Variants in CUL9 observed in about 807,000 individuals in gnomAD.
CUL9 encodes the protein cullin-9.
A neutral mutation model predicts 272.6 loss-of-function variants in CUL9; 79 were observed. That is an observed-to-expected ratio of 0.29 (90% CI 0.24 to 0.35). The LOEUF is 0.35. Ranked by LOEUF, CUL9 falls within the 10% of genes least tolerant of loss-of-function variation. The pLI is 1.00. For synonymous variants in CUL9, 1,186 were observed against 1,286.5 expected (o/e 0.92, Z 1.67); for missense variants, 2,532 against 3,255.6 (o/e 0.78, Z 5.41).
chr6:43,185,818 T>A (rs1772855579), intron 3 of CUL9, 137 bp from the exon 4 acceptor site: 1 of 1,275,866 alleles, frequency 7.8e-7, no homozygotes, highest in Non-Finnish European at 1.1e-6. Context: ...TATGCCTTTC[T>A]TACACAAATC....
rs1773678563 is a variant in CUL9 at position 43,193,109 on chromosome 6, G to A, written c.2289G>A (p.Glu763=). 6.2e-7 allele frequency: 1 copy of A among 1,614,214 alleles called. No homozygotes were observed. The highest frequency in any genetic ancestry group is 8.5e-7 in the Non-Finnish European group (1 of 1,180,044). ...TTTACCTGCTCATGACCAAGCACGA[G>A]TGGCGGCCGCTCTTTGCCAGGGAGG... ...RLLYLLMTKH[E]WRPLFAREGG... The change falls in exon 9 of 41, where the codon GAG becomes GAA. Residue 763 remains glutamate (E), a synonymous_variant. Transcript: ENST00000252050.
chr6:43,217,616 C>T (rs111851385), intron 31 of CUL9, among the ~76,000 whole-genome samples: 6,706 of 152,236 alleles, frequency 0.044, 198 homozygotes, highest in Admixed American at 0.083. Flanking sequence ...GGGTGATAGA[C>T]GTGTCTGCAT....
chr6:43,222,257 A>G, intron 35 of CUL9, 59 bp from the exon 36 acceptor site: 3 of 1,419,452 alleles, frequency 2.1e-6, no homozygotes, highest in Middle Eastern at 3.5e-4. Flanking sequence ...TTTTCCACTT[A>G]TTAACTCCCT....
rs746215834 is a variant in CUL9, at chr6:43,196,090, G to T, written c.2410G>T (p.Ala804Ser). 6.2e-7 allele frequency: 1 copy of T among 1,613,114 alleles called. No homozygotes were observed. Among genetic ancestry groups the T allele is most frequent in the Non-Finnish European group, 8.5e-7 (1 of 1,179,306 alleles). ...GLAALKMLAV[A>S]SSSEIPTFVT... Reference sequence around the variant, plus strand: ...ACAGGCACTGAAGATGCTGGCCGTCGCCAGCTCCTCGGAGATCCCCACTTT... The same window carrying T: ...ACAGGCACTGAAGATGCTGGCCGTCTCCAGCTCCTCGGAGATCCCCACTTT... Residue 804 changes from alanine to serine, a missense_variant, in exon 10 of 41, where the codon GCC becomes TCC. By Grantham distance (99) the Ala-to-Ser change is moderately conservative. Coordinates refer to ENST00000252050, the MANE Select transcript of CUL9 (RefSeq NM_015089.4).
chr6:43,213,657 T>C lies in CUL9; in HGVS notation c.5489-56T>C. 1.9e-6 allele frequency: 3 copies of C among 1,603,940 alleles called. No homozygotes were observed. Among genetic ancestry groups the C allele is most frequent in the Non-Finnish European group, 2.6e-6 (3 of 1,173,472 alleles). ...GACTGTGAGAATGGGGTCATCTTAGTCCCCATTCATCTGTCCCTCTGCCTC... is the reference window on the plus strand; with the variant it reads ...GACTGTGAGAATGGGGTCATCTTAGCCCCCATTCATCTGTCCCTCTGCCTC... On this transcript the variant is annotated intron_variant, in intron 28 of 40. Coordinates refer to ENST00000252050, the MANE Select transcript of CUL9 (RefSeq NM_015089.4). The surrounding 1 kb of genome is among the most constrained non-coding windows in gnomAD (Gnocchi z 5.7).
intron 31 of CUL9, among the ~76,000 whole-genome samples, chr6:43,219,786 A>G (rs1776195939): frequency 6.6e-6 from 1 of 152,114 alleles, no homozygotes; most frequent in African/African-American, 2.4e-5. Context: ...GTAGGGAGAG[A>G]CCGGGAGAGG....
intron 35 of CUL9, chr6:43,222,107 G>A: frequency 1.6e-6 from 1 of 608,292 alleles, no homozygotes; most frequent in Non-Finnish European, 2.9e-6. Context: ...TTAGCATGTG[G>A]CTTTGAGCAA....
intron 10 of CUL9, 77 bp downstream of exon 10, chr6:43,196,342 A>G (rs981930875): frequency 7.9e-6 from 11 of 1,386,090 alleles, no homozygotes; most frequent in Non-Finnish European, 9.8e-6. Context: ...AGGCTCATGT[A>G]CTCCACAGAA....
In CUL9 at chr6:43,186,992, G is replaced by T; in HGVS notation, c.1284G>T (p.Trp428Cys). ...GGCAGTCGACAGGCCGCACTTACTG[G>T]GTGCACTGGCACATGCTGGAGATCC... ...VFWQSTGRTY[W>C]VHWHMLEILG... Residue 428 changes from tryptophan to cysteine, a missense_variant, in exon 5 of 41, where the codon TGG (tryptophan) becomes TGT (cysteine). Trp to Cys is a radical substitution (Grantham distance 215). Around this residue, in one of 3 missense-constraint regions of CUL9, gnomAD observed 2,218 missense variants for 2,788.6 expected, o/e 0.80. Coordinates refer to ENST00000252050, the MANE Select transcript of CUL9 (RefSeq NM_015089.4). 1 of 1,614,038 alleles carries T rather than the reference G, an allele frequency of 6.2e-7. No individual in the cohort carries two copies. The highest frequency in any genetic ancestry group is 1.1e-5 in the South Asian group (1 of 91,088).
Position 43,224,155 on chromosome 6 carries a change from A to G in CUL9, c.7345A>G (p.Met2449Val), listed in dbSNP as rs1776617760. 6.2e-7 allele frequency: 1 copy of G among 1,614,240 alleles called. No individual in the cohort carries two copies. Among genetic ancestry groups the G allele is most frequent in the Non-Finnish European group, 8.5e-7 (1 of 1,180,032 alleles). ...VEAWEAKGPN[M>V]PGSQPQASSG... is the part of the protein sequence containing the mutation. ...GGCCTGGGAGGCAAAAGGACCCAACATGCCTGGCAGTCAGTAAGTGGGGTG... is the reference window on the plus strand; with the variant it reads ...GGCCTGGGAGGCAAAAGGACCCAACGTGCCTGGCAGTCAGTAAGTGGGGTG... The change falls in exon 40 of 41, where the codon ATG (methionine) becomes GTG (valine). Residue 2449 changes from methionine (M) to valine (V), a missense_variant. This residue lies in a region of CUL9 where 237 missense variants were observed against 305.9 expected (regional missense o/e 0.77). Coordinates refer to ENST00000252050, the MANE Select transcript of CUL9 (RefSeq NM_015089.4). The surrounding 1 kb of genome is among the most constrained non-coding windows in gnomAD (Gnocchi z 4.2).
Position 43,188,540 on chromosome 6 carries a change from C to T in CUL9, c.2005C>T (p.Arg669Trp), listed in dbSNP as rs748072017. 60 of 1,609,106 alleles carry T rather than the reference C, an allele frequency of 3.7e-5. 1 individual carries two copies. The highest frequency in any genetic ancestry group is 3.3e-4 in the Middle Eastern group (2 of 6,042). ...AATTTCAGAAATGGCCAGAGCCTTG[C>T]GGGGTCCCGGTCCTCGCAGCTCCCT... ...EAASEMARAL[R>W]GPGPRSSLDQ... Residue 669 changes from arginine (R) to tryptophan (W), a missense_variant, in exon 8 of 41, where the codon CGG becomes TGG. By Grantham distance (101) the Arg-to-Trp change is moderately radical. Transcript: ENST00000252050.
intron 31 of CUL9, among the ~76,000 whole-genome samples, chr6:43,219,941 G>T (rs1301856105): frequency 6.6e-6 from 1 of 152,142 alleles, no homozygotes; most frequent in Non-Finnish European, 1.5e-5. Flanking sequence ...GTTGATCAGG[G>T]TTTGGGGGAC....
chr6:43,200,216 A>G lies in CUL9; in HGVS notation c.3384+60A>G. 1.3e-6 allele frequency: 2 copies of G among 1,525,926 alleles called. No homozygotes were observed. Among genetic ancestry groups the G allele is most frequent in the Non-Finnish European group, 1.8e-6 (2 of 1,111,260 alleles). The allele number at this position is 1,525,926 out of a possible 1,614,324, so 94.5% of individuals were successfully genotyped here. A position where few individuals can be genotyped will look rare whatever the true frequency, so the allele number is the denominator to read the frequency against. ...TGCAAGTCAGAAGCAGGAGAAGGGG[A>G]TTCACTGTGTTCCTCTTTGGTATCC... On this transcript the variant is annotated intron_variant, in intron 14 of 40. Coordinates refer to ENST00000252050, the MANE Select transcript of CUL9 (RefSeq NM_015089.4). The surrounding 1 kb of genome is among the most constrained non-coding windows in gnomAD (Gnocchi z 4.0).
At chr6:43,219,037 A>T (rs77379690) in intron 31 of CUL9, among the ~76,000 whole-genome samples, 10,801 of 152,166 alleles carry the variant, frequency 0.071, 490 homozygotes, top group Non-Finnish European at 0.1. Flanking sequence ...ATAGAAAAAA[A>T]CTTTACCCAG....
chr6:43,193,110 T>C lies in CUL9; in HGVS notation c.2290T>C (p.Trp764Arg). 1 of 1,614,008 alleles carries C rather than the reference T, an allele frequency of 6.2e-7. No homozygotes were observed. The highest frequency in any genetic ancestry group is 8.5e-7 in the Non-Finnish European group (1 of 1,179,978). ...TTACCTGCTCATGACCAAGCACGAGTGGCGGCCGCTCTTTGCCAGGGAGGG... is the reference window on the plus strand; with the variant it reads ...TTACCTGCTCATGACCAAGCACGAGCGGCGGCCGCTCTTTGCCAGGGAGGG... ...LLYLLMTKHE[W>R]RPLFAREGGI... is the part of the protein sequence containing the mutation. The change falls in exon 9 of 41, where the codon TGG becomes CGG. Residue 764 changes from tryptophan to arginine, a missense_variant. This residue lies in a region of CUL9 where 2,218 missense variants were observed against 2,788.6 expected (regional missense o/e 0.80). Transcript: ENST00000252050.
intron 26 of CUL9, among the ~76,000 whole-genome samples, chr6:43,210,300 T>C (rs1420975376): frequency 6.6e-6 from 1 of 152,188 alleles, no homozygotes; most frequent in African/African-American, 2.4e-5. Context: ...GGTTCCTTGT[T>C]TTAAGTTTGT....
intron 20 of CUL9, 117 bp downstream of exon 20, chr6:43,204,104 C>T (rs1774857341): frequency 7.7e-7 from 1 of 1,304,480 alleles, no homozygotes; most frequent in African/African-American, 1.5e-5. Flanking sequence ...AGGCCTGTCA[C>T]CTCAGTGTTC....
intron 11 of CUL9, among the ~76,000 whole-genome samples, chr6:43,197,706 A>T (rs1774142226): frequency 6.7e-6 from 1 of 149,804 alleles, no homozygotes. Context: ...CCGGTTTTGA[A>T]CTCCTGACCT....
chr6:43,199,342 T>G lies in CUL9; in HGVS notation c.3127T>G (p.Cys1043Gly), dbSNP rs780423551. The G allele has an allele frequency of 2.2e-5, 36 of 1,613,398 alleles. No individual in the cohort carries two copies. Among genetic ancestry groups the G allele is most frequent in the Non-Finnish European group, 3.0e-5 (35 of 1,179,544 alleles). The change falls in exon 13 of 41, where the codon TGC becomes GGC. Residue 1043 changes from cysteine (C) to glycine (G), a missense_variant. Physicochemically the swap from Cys to Gly is radical, Grantham distance 159 (BLOSUM62 -3). Coordinates refer to ENST00000252050, the MANE Select transcript of CUL9 (RefSeq NM_015089.4). The surrounding 1 kb of genome is among the most constrained non-coding windows in gnomAD (Gnocchi z 4.4). ...CGAGGTCTTGGAGCCCTGCCTCAAC[T>G]GCCTGAGTGGCCCTAGCAGTGACTC... ...WHEVLEPCLNCLSGPSSDSEI... is the reference protein window; with the variant it reads ...WHEVLEPCLNGLSGPSSDSEI...
Sources: gnomAD v4.1 joint callset for allele counts (sites outside exome capture counted in the v4.1 genomes callset) on GRCh38, gnomAD v4.1.1 for gene constraint, gnomAD v4.1.1 regional missense constraint, Gnocchi (gnomAD v3.1) non-coding constraint, MANE v1.5 for transcripts, NCBI Gene and HGNC (gene_info 2026-07-23, HGNC 2026-07-21) for gene names.